The following CHRM2 variants were observed in gnomAD, a reference collection of about 807,000 sequenced individuals.
The protein encoded by CHRM2 is muscarinic acetylcholine receptor M2.
Under a neutral mutation model 25.0 loss-of-function variants are expected in CHRM2, and 8 were observed. The ratio of observed to expected loss-of-function variants is 0.32; its 90% CI spans 0.19 to 0.58. The LOEUF is 0.58. CHRM2 is among the 20% of genes least tolerant of loss of function. The probability of loss-of-function intolerance (pLI) is 0.88; values close to 1 mark genes in which losing one functional copy is unlikely to be tolerated. For missense variants in CHRM2, 440 were observed against 567.1 expected (o/e 0.78, Z 2.28); for synonymous variants, 202 against 205.7 (o/e 0.98, Z 0.15).
chr7:136,945,410 G>A (rs190913938), intron 2 of CHRM2, among the ~76,000 whole-genome samples: 14 of 152,132 alleles, frequency 9.2e-5, no homozygotes, highest in East Asian at 3.9e-4. Flanking sequence ...TTTAGTGTAC[G>A]GTGAGAGATG....
intron 2 of CHRM2, among the ~76,000 whole-genome samples, chr7:136,888,203 A>G (rs1324135626): frequency 6.6e-6 from 1 of 152,214 alleles, no homozygotes; most frequent in Non-Finnish European, 1.5e-5. Context: ...ATGCCCATCG[A>G]GTCGTAGCTT....
intron 2 of CHRM2, among the ~76,000 whole-genome samples, chr7:136,903,681 C>T (rs915004792): frequency 5.3e-5 from 8 of 151,798 alleles, no homozygotes; most frequent in African/African-American, 9.7e-5. Context: ...TTAAATAATA[C>T]GCCTTCTGTT....
At chr7:136,872,993 A>G (rs1795899244) in intron 2 of CHRM2, among the ~76,000 whole-genome samples, 1 of 152,234 alleles carries the variant, frequency 6.6e-6, no homozygotes. Flanking sequence ...TAGGACAGAG[A>G]CTGACAGAAA....
At chr7:136,893,096 C>G (rs1018836968) in intron 2 of CHRM2, among the ~76,000 whole-genome samples, 3 of 152,114 alleles carry the variant, frequency 2.0e-5, no homozygotes, top group African/African-American at 4.8e-5. Flanking sequence ...TCTTGTTCTT[C>G]TCGCTTCTTA....
At chr7:136,960,120 G>A (rs1179329455) in intron 2 of CHRM2, among the ~76,000 whole-genome samples, 1 of 152,128 alleles carries the variant, frequency 6.6e-6, no homozygotes, top group Non-Finnish European at 1.5e-5. Context: ...CAACCTAAGA[G>A]GGGGCTAAAA....
At chr7:136,909,110 A>T (rs1797707757) in intron 2 of CHRM2, among the ~76,000 whole-genome samples, 1 of 151,974 alleles carries the variant, frequency 6.6e-6, no homozygotes, top group African/African-American at 2.4e-5. Context: ...TCAGGGACAT[A>T]CATGAATCCC....
chr7:136,958,014 C>T (rs1584823438), intron 2 of CHRM2, among the ~76,000 whole-genome samples: 1 of 152,152 alleles, frequency 6.6e-6, no homozygotes, highest in African/African-American at 2.4e-5. Flanking sequence ...ATAGTGGCTG[C>T]TTGATATTAT....
At chr7:136,938,638 G>T in intron 2 of CHRM2, 1 of 835,706 alleles carries the variant, frequency 1.2e-6, no homozygotes, top group Non-Finnish European at 2.1e-6. Flanking sequence ...AGGAGCTCAT[G>T]CGGGCACAGG....
intron 2 of CHRM2, among the ~76,000 whole-genome samples, chr7:136,923,252 A>G (rs1798551505): frequency 7.0e-6 from 1 of 142,284 alleles, no homozygotes; most frequent in Non-Finnish European, 1.5e-5. Flanking sequence ...TACAACTGAT[A>G]CTTATTAGCT....
intron 2 of CHRM2, chr7:136,902,860 C>G (rs1292448908): frequency 9.8e-6 from 3 of 306,320 alleles, no homozygotes; most frequent in Non-Finnish European, 1.9e-5. Context: ...TATACAGCAA[C>G]TGCAGAGCAC....
intron 2 of CHRM2, among the ~76,000 whole-genome samples, chr7:136,931,134 A>G (rs2130779831): frequency 6.6e-6 from 1 of 152,282 alleles, no homozygotes; most frequent in South Asian, 2.1e-4. Flanking sequence ...ACATCTTCAG[A>G]ATCTTTTTGG....
intron 2 of CHRM2, among the ~76,000 whole-genome samples, chr7:136,986,819 T>C (rs1000062900): frequency 2.0e-5 from 3 of 152,174 alleles, no homozygotes; most frequent in Non-Finnish European, 4.4e-5. Flanking sequence ...CCGTTTTTGT[T>C]CCAGATTGAA....
At chr7:136,891,557 A>G (rs1462721481) in intron 2 of CHRM2, among the ~76,000 whole-genome samples, 2 of 152,160 alleles carry the variant, frequency 1.3e-5, no homozygotes. Context: ...TGTGACTCAC[A>G]TTTGATTTGT....
At chr7:136,910,256 TATTA>T (rs1299976515) in intron 2 of CHRM2, among the ~76,000 whole-genome samples, 1 of 151,968 alleles carries the variant, frequency 6.6e-6, no homozygotes, top group African/African-American at 2.4e-5. Context: ...TCTCGGCTGA[TATTA>T]ATTACCTACT....
chr7:136,954,133 G>A (rs1260589769), intron 2 of CHRM2, among the ~76,000 whole-genome samples: 1 of 152,108 alleles, frequency 6.6e-6, no homozygotes, highest in African/African-American at 2.4e-5. Context: ...AAAGGGAAGA[G>A]GAAATGATCC....
intron 2 of CHRM2, among the ~76,000 whole-genome samples, chr7:136,885,871 G>A (rs115948623): frequency 3.3e-3 from 499 of 152,286 alleles, no homozygotes; most frequent in African/African-American, 0.011. Flanking sequence ...GAACTTAGCA[G>A]AAGAGGGTAG....
At chr7:136,896,201 G>A (rs1480361897) in intron 2 of CHRM2, among the ~76,000 whole-genome samples, 1 of 152,112 alleles carries the variant, frequency 6.6e-6, no homozygotes, top group Non-Finnish European at 1.5e-5. Context: ...CTGAAAATGA[G>A]GGGGTAGGAG....
intron 2 of CHRM2, among the ~76,000 whole-genome samples, chr7:136,953,990 G>T (rs954274440): frequency 4.6e-5 from 7 of 152,108 alleles, no homozygotes; most frequent in Non-Finnish European, 1.0e-4. Context: ...TGGACTGGTG[G>T]ACTATGAATC....
intron 2 of CHRM2, among the ~76,000 whole-genome samples, chr7:136,977,312 C>T (rs796729107): frequency 4.6e-5 from 7 of 152,236 alleles, no homozygotes; most frequent in African/African-American, 1.7e-4. Context: ...TCTCTGATTT[C>T]CCCTAACTTC....
Sources: allele counts gnomAD v4.1 joint callset (sites outside exome capture counted in the v4.1 genomes callset), GRCh38; gene constraint gnomAD v4.1.1; transcripts MANE v1.5; gene names NCBI Gene and HGNC (gene_info 2026-07-23, HGNC 2026-07-21).